Variants in OLA1 observed in about 807,000 individuals in gnomAD.
OLA1 encodes the protein Obg like ATPase 1, also known as obg-like ATPase 1.
OLA1 carries 14 observed loss-of-function variants against 48.4 expected under a neutral mutation model. The ratio of observed to expected loss-of-function variants is 0.29; its 90% CI spans 0.19 to 0.45. The LOEUF is 0.45. Ranked by LOEUF, OLA1 falls within the 20% of genes least tolerant of loss-of-function variation. The probability of loss-of-function intolerance (pLI) is 1.00; values close to 1 mark genes in which losing one functional copy is unlikely to be tolerated. For synonymous variants in OLA1, 127 were observed against 150.4 expected, an observed-to-expected ratio of 0.84 and a Z score of 1.14; for missense variants, 325 against 467.1, an observed-to-expected ratio of 0.70 and a Z score of 2.80.
chr2:174,105,065 C>T (rs940659932), intron 7 of OLA1, among the ~76,000 whole-genome samples: 1 of 151,716 alleles, frequency 6.6e-6, no homozygotes, highest in Admixed American at 6.6e-5. Context: ...TGATGTTAAC[C>T]ACATTTTAAT....
At chr2:174,240,451 A>G (rs950667123) in intron 2 of OLA1, 1 of 152,266 alleles carries the variant, frequency 6.6e-6, no homozygotes, top group African/African-American at 2.4e-5. Context: ...TGTGGGCACC[A>G]CTGAGACCAG....
At chr2:174,159,209 T>C (rs766420418) in intron 4 of OLA1, among the ~76,000 whole-genome samples, 28 of 152,210 alleles carry the variant, frequency 1.8e-4, no homozygotes, top group Non-Finnish European at 1.6e-4. Context: ...ATTTGCAGTA[T>C]TTAAATTTAG....
At chr2:174,131,642 T>C (rs1574498420) in intron 5 of OLA1, among the ~76,000 whole-genome samples, 1 of 152,284 alleles carries the variant, frequency 6.6e-6, no homozygotes, top group East Asian at 1.9e-4. Flanking sequence ...GTCTTATTAA[T>C]TTATGGCAAG....
intron 7 of OLA1, among the ~76,000 whole-genome samples, chr2:174,084,925 T>A (rs920648926): frequency 1.3e-4 from 20 of 152,098 alleles, no homozygotes; most frequent in Non-Finnish European, 2.9e-4. Context: ...AATTATATGG[T>A]GGGTGGGAGG....
At chr2:174,174,442 T>G (rs555324968) in intron 4 of OLA1, among the ~76,000 whole-genome samples, 11 of 152,102 alleles carry the variant, frequency 7.2e-5, no homozygotes, top group Non-Finnish European at 1.3e-4. Flanking sequence ...TTCCAATAGA[T>G]AAAAGAAATT....
chr2:174,218,961 C>T (rs67910840), intron 4 of OLA1, among the ~76,000 whole-genome samples: 1 of 150,978 alleles, frequency 6.6e-6, no homozygotes, highest in Non-Finnish European at 1.5e-5. Flanking sequence ...GCTGGAACTA[C>T]AAGGCACAGG....
intron 4 of OLA1, among the ~76,000 whole-genome samples, chr2:174,209,830 C>T (rs1474098284): frequency 2.6e-5 from 4 of 152,132 alleles, no homozygotes; most frequent in African/African-American, 9.7e-5. Context: ...CACTTGGGAT[C>T]TATCCTTCAG....
chr2:174,091,869 C>CAAGAAAAAAAAAAAAAAAA (rs1685121316), intron 7 of OLA1, among the ~76,000 whole-genome samples: 1 of 22,982 alleles, frequency 4.4e-5, no homozygotes, highest in Non-Finnish European at 9.6e-5. Context: ...GACTCTGCCT[C>CAAGAAAAAAAAAAAAAAAA]AAAAAAAAAA....
At chr2:174,190,391 T>G (rs1053469894) in intron 4 of OLA1, among the ~76,000 whole-genome samples, 1 of 152,156 alleles carries the variant, frequency 6.6e-6, no homozygotes, top group Admixed American at 6.5e-5. Flanking sequence ...GAAAATCATC[T>G]CCATTTCACA....
At chr2:174,231,702 A>G (rs1302748803) in intron 2 of OLA1, among the ~76,000 whole-genome samples, 1 of 152,216 alleles carries the variant, frequency 6.6e-6, no homozygotes, top group African/African-American at 2.4e-5. Flanking sequence ...GTCTCATTTT[A>G]GATGAATATT....
chr2:174,137,956 G>A (rs963868469), intron 5 of OLA1, among the ~76,000 whole-genome samples: 10 of 152,174 alleles, frequency 6.6e-5, no homozygotes, highest in African/African-American at 2.4e-4. Context: ...AAGCCCAGGG[G>A]TTTGGAACCA....
At chr2:174,081,875 C>A (rs766550582) in intron 8 of OLA1, 49 bp downstream of exon 8, 11 of 1,576,666 alleles carry the variant, frequency 7.0e-6, no homozygotes, top group Admixed American at 1.7e-5. Context: ...TAAATTACTG[C>A]AAGGAAATAG....
intron 2 of OLA1, among the ~76,000 whole-genome samples, chr2:174,229,789 A>G (rs563347674): frequency 2.0e-4 from 30 of 152,342 alleles, no homozygotes; most frequent in Non-Finnish European, 3.8e-4. Context: ...TACCAGCATC[A>G]CTTCATCCAT....
At chr2:174,201,808 A>G (rs1687996368) in intron 4 of OLA1, among the ~76,000 whole-genome samples, 1 of 152,236 alleles carries the variant, frequency 6.6e-6, no homozygotes, top group African/African-American at 2.4e-5. Context: ...AAGAAAGAAG[A>G]TAATGGGAAA....
chr2:174,119,210 C>A (rs1034664038), intron 7 of OLA1, among the ~76,000 whole-genome samples: 2 of 151,668 alleles, frequency 1.3e-5, no homozygotes, highest in Non-Finnish European at 2.9e-5. Context: ...CTTTTTAATT[C>A]TAAAGATTCT....
chr2:174,176,026 G>C (rs1431529176), intron 4 of OLA1, among the ~76,000 whole-genome samples: 1 of 152,010 alleles, frequency 6.6e-6, no homozygotes, highest in Non-Finnish European at 1.5e-5. Context: ...TAAGCATAAG[G>C]GTTAGGGGAG....
At chr2:174,168,016 A>G (rs939182236) in intron 4 of OLA1, among the ~76,000 whole-genome samples, 3 of 152,208 alleles carry the variant, frequency 2.0e-5, no homozygotes, top group Non-Finnish European at 2.9e-5. Flanking sequence ...GAGCAAAGGA[A>G]ATCAGAAAGA....
chr2:174,076,104 G>A (rs1034485675), intron 10 of OLA1, among the ~76,000 whole-genome samples: 10 of 152,182 alleles, frequency 6.6e-5, no homozygotes, highest in African/African-American at 2.4e-4. Context: ...ACGGTTTCCT[G>A]ACTAATGGCC....
At chr2:174,129,893 T>C (rs1230044045) in intron 5 of OLA1, among the ~76,000 whole-genome samples, 9 of 152,196 alleles carry the variant, frequency 5.9e-5, no homozygotes, top group Non-Finnish European at 1.5e-5. Context: ...TTCCAAGTTA[T>C]ACTTACCTTC....
Sources: allele counts gnomAD v4.1 joint callset (sites outside exome capture counted in the v4.1 genomes callset), GRCh38; gene constraint gnomAD v4.1.1; transcripts MANE v1.5; gene names NCBI Gene and HGNC (gene_info 2026-07-23, HGNC 2026-07-21).